The following DIABLO variants were observed in gnomAD, a reference collection of about 807,000 sequenced individuals.
DIABLO encodes the protein diablo IAP-binding mitochondrial protein.
In DIABLO, 32 loss-of-function variants were observed where a neutral mutation model predicts 31.7. The observed-to-expected ratio is 1.01, with a 90% CI of 0.76 to 1.35. The LOEUF is 1.35. DIABLO is among the 40% of genes most tolerant of loss of function. DIABLO has a pLI of 0.00. For synonymous variants in DIABLO, 132 were observed against 103.2 expected, an observed-to-expected ratio of 1.28 and a Z score of -1.69; for missense variants, 316 against 286.4, an observed-to-expected ratio of 1.10 and a Z score of -0.75.
chr12:122,213,866 C>T (rs970840706), intron 5 of DIABLO, among the ~76,000 whole-genome samples: 1 of 152,124 alleles, frequency 6.6e-6, no homozygotes, highest in African/African-American at 2.4e-5. Flanking sequence ...AGGCAGATCA[C>T]CTGAGATCAG....
At chr12:122,219,475 G>A (rs1202075267) in intron 2 of DIABLO, among the ~76,000 whole-genome samples, 1 of 152,070 alleles carries the variant, frequency 6.6e-6, no homozygotes, top group Non-Finnish European at 1.5e-5. Context: ...GAGCTACACT[G>A]GGGGCATGCA....
At chr12:122,225,812 TCA>T in intron 1 of DIABLO, 151 bp downstream of exon 1, 1 of 1,491,338 alleles carries the variant, frequency 6.7e-7, no homozygotes, top group South Asian at 1.3e-5. Context: ...GGGGCTGTCC[TCA>T]GTCCTCCCGA....
intron 5 of DIABLO, among the ~76,000 whole-genome samples, chr12:122,215,077 C>T (rs140521398): frequency 1.5e-3 from 234 of 152,250 alleles, no homozygotes; most frequent in Admixed American, 2.4e-3. Context: ...CCTGTAATCC[C>T]AGCACTTTGA....
rs1483536905 is a variant in DIABLO, at chr12:122,207,952, C to T, written c.*429G>A. 7 of 464,978 alleles carry T rather than the reference C, an allele frequency of 1.5e-5. No homozygotes were observed. Among genetic ancestry groups the T allele is most frequent in the Non-Finnish European group, 2.6e-5 (6 of 234,700 alleles). 28.8% of individuals were successfully genotyped at this position (464,978 alleles called of 1,614,324 possible). ...GAAATCGTACAAACTGGACAGGTTC[C>T]CCTCCCCCTGCCACAACTGGCATCC... On this transcript the variant is annotated 3_prime_UTR_variant, in exon 6 of 6. Transcript: ENST00000464942.
At chr12:122,208,720 A>G in intron 5 of DIABLO, 143 bp from the exon 6 acceptor site, 1 of 806,074 alleles carries the variant, frequency 1.2e-6, no homozygotes, top group South Asian at 1.5e-5. Flanking sequence ...CTCTCTCTGC[A>G]AAGAAACTTC....
chr12:122,209,900 T>C, intron 5 of DIABLO: 1 of 669,324 alleles, frequency 1.5e-6, no homozygotes, highest in Non-Finnish European at 2.7e-6. Context: ...TAACCTTTAT[T>C]ACATTAAGAA....
chr12:122,209,541 T>A (rs1268502415), intron 5 of DIABLO, among the ~76,000 whole-genome samples: 4 of 152,032 alleles, frequency 2.6e-5, no homozygotes, highest in Non-Finnish European at 5.9e-5. Flanking sequence ...AGAGTGCACC[T>A]GCAGTCTCAG....
chr12:122,225,273 A>G, intron 1 of DIABLO: 1 of 457,240 alleles, frequency 2.2e-6, no homozygotes, highest in South Asian at 7.3e-5. Context: ...CTGCAATCCC[A>G]GCTACTCGGG....
At chr12:122,225,831 C>T in intron 1 of DIABLO, 134 bp downstream of exon 1, 3 of 1,512,256 alleles carry the variant, frequency 2.0e-6, no homozygotes, top group Admixed American at 2.0e-5. Flanking sequence ...CCGACCGGAG[C>T]GAGACGCCGC....
chr12:122,227,395 C>A, upstream of DIABLO: 1 of 454,148 alleles, frequency 2.2e-6, no homozygotes, highest in South Asian at 1.6e-5. Flanking sequence ...TGAAGCTCCG[C>A]GGTTCTGTCT....
At position 122,218,368 on chromosome 12, in the gene DIABLO, T is replaced by G; in HGVS notation, c.213A>C (p.Glu71Asp). The stretch of plus-strand genomic sequence containing the variant: ...AAGACACTGCTCTCCTCATCAATGC[T>G]TCACTACTAAGGGAATGAGGCTCTG... The part of the protein sequence containing the change: ...QKSEPHSLSS[E>D]ALMRRAVSLV... Residue 71 changes from glutamate to aspartate, a missense_variant, in exon 3 of 6, where the codon GAA becomes GAC. By Grantham distance (45) the Glu-to-Asp change is conservative. Transcript: ENST00000464942. 1 of 1,614,152 alleles carries G rather than the reference T, an allele frequency of 6.2e-7. No homozygotes were observed. The highest frequency in any genetic ancestry group is 1.6e-4 in the Middle Eastern group (1 of 6,062).
chr12:122,223,233 G>A (rs772418292), intron 2 of DIABLO, among the ~76,000 whole-genome samples: 4 of 151,280 alleles, frequency 2.6e-5, no homozygotes, highest in Admixed American at 6.6e-5. Context: ...TCAGGGGTTC[G>A]TGACCAGCCT....
chr12:122,207,674 A>G lies in DIABLO; in HGVS notation c.*707T>C, dbSNP rs1231549847. Reference sequence around the variant, plus strand: ...GAAGGAGGCTGCATAGGACCCCAGGAGAGACGCATTTTCTCTTTCAGATGC... The same window carrying G: ...GAAGGAGGCTGCATAGGACCCCAGGGGAGACGCATTTTCTCTTTCAGATGC... On this transcript the variant is annotated 3_prime_UTR_variant, in exon 6 of 6. Transcript: ENST00000464942. 1.4e-5 allele frequency: 9 copies of G among 630,312 alleles called. No homozygotes were observed. Among genetic ancestry groups the G allele is most frequent in the South Asian group, 4.6e-5 (3 of 65,842 alleles). 39.0% of individuals were successfully genotyped at this position (630,312 alleles called of 1,614,324 possible). A position where few individuals can be genotyped will look rare whatever the true frequency, so the allele number is the denominator to read the frequency against.
intron 5 of DIABLO, among the ~76,000 whole-genome samples, chr12:122,209,214 T>A (rs1954018469): frequency 6.6e-6 from 1 of 151,624 alleles, no homozygotes; most frequent in South Asian, 2.1e-4. Context: ...CAAAAAAAAA[T>A]TAGCCAGGCA....
In DIABLO at chr12:122,224,536, G is replaced by T; in HGVS notation, c.159C>A (p.Thr53=). Residue 53 remains threonine, a synonymous_variant, in exon 2 of 6, where the codon ACC becomes ACA. Coordinates refer to ENST00000464942, the MANE Select transcript of DIABLO (RefSeq NM_001371333.1). The stretch of plus-strand genomic sequence containing the variant: ...CCTGTGCAATAGGAACCGCACACAG[G>T]GTTACTCCAAAGCCAATCGTCACAG... ...HKTVTIGFGV[T]LCAVPIAQKS... The T allele has an allele frequency of 6.2e-7, 1 of 1,613,358 alleles. No individual in the cohort carries two copies. Among genetic ancestry groups the T allele is most frequent in the Non-Finnish European group, 8.5e-7 (1 of 1,179,920 alleles).
chr12:122,215,724 A>G (rs1035770659), intron 5 of DIABLO, among the ~76,000 whole-genome samples: 1 of 151,662 alleles, frequency 6.6e-6, no homozygotes, highest in Non-Finnish European at 1.5e-5. Flanking sequence ...TGCTGGGAGA[A>G]TAGGAGAAGC....
intron 2 of DIABLO, 89 bp from the exon 3 acceptor site, chr12:122,218,486 G>T: frequency 1.3e-6 from 2 of 1,555,138 alleles, no homozygotes; most frequent in Non-Finnish European, 8.8e-7. Flanking sequence ...TAATTGTCAT[G>T]CTGCTTAGTG....
intron 2 of DIABLO, among the ~76,000 whole-genome samples, chr12:122,224,219 A>G (rs1033593064): frequency 6.6e-6 from 1 of 152,214 alleles, no homozygotes; most frequent in East Asian, 1.9e-4. Flanking sequence ...CTTGCACATA[A>G]AAGTTGCTCA....
intron 5 of DIABLO, among the ~76,000 whole-genome samples, chr12:122,210,234 T>A (rs193166133): frequency 6.6e-6 from 1 of 152,162 alleles, no homozygotes; most frequent in Non-Finnish European, 1.5e-5. Flanking sequence ...AGGCTTGTCA[T>A]TACTTTCTTT....
Sources: allele counts gnomAD v4.1 joint callset (sites outside exome capture counted in the v4.1 genomes callset), GRCh38; gene constraint gnomAD v4.1.1; transcripts MANE v1.5; gene names NCBI Gene and HGNC (gene_info 2026-07-23, HGNC 2026-07-21).